Variants in HIVEP1 observed in about 807,000 individuals in gnomAD.
HIVEP1 encodes zinc finger protein 40.
In HIVEP1, 36 loss-of-function variants were observed where a neutral mutation model predicts 180.0. The ratio of observed to expected loss-of-function variants is 0.20; its 90% CI spans 0.15 to 0.26. The LOEUF is 0.26. Ranked by LOEUF, HIVEP1 falls within the 10% of genes least tolerant of loss-of-function variation. The pLI, the probability that HIVEP1 is intolerant of heterozygous loss-of-function variation, is 1.00. For missense variants in HIVEP1, 3,143 were observed against 3,268.7 expected, an observed-to-expected ratio of 0.96 and a Z score of 0.94; for synonymous variants, 1,239 against 1,239.0, an observed-to-expected ratio of 1.00 and a Z score of 0.00.
chr6:12,117,425 A>G (rs1775285807), intron 3 of HIVEP1, among the ~76,000 whole-genome samples: 1 of 152,230 alleles, frequency 6.6e-6, no homozygotes, highest in Non-Finnish European at 1.5e-5. Context: ...CAGTAGATTT[A>G]TAGAAAATAG....
At chr6:12,113,179 C>T (rs922116658) in intron 3 of HIVEP1, among the ~76,000 whole-genome samples, 5 of 150,604 alleles carry the variant, frequency 3.3e-5, no homozygotes, top group Non-Finnish European at 7.4e-5. Flanking sequence ...GCAGAAGATA[C>T]ACATGTAAAC....
downstream of HIVEP1, among the ~76,000 whole-genome samples, chr6:12,167,600 A>ATACATGTTATAT (rs1287358083): frequency 6.8e-6 from 1 of 146,430 alleles, no homozygotes; most frequent in Non-Finnish European, 1.5e-5. Flanking sequence ...ACATGTATAT[A>ATACATGTTATAT]TACATGTTAT....
intron 2 of HIVEP1, among the ~76,000 whole-genome samples, chr6:12,080,371 G>A (rs1017048427): frequency 1.3e-5 from 2 of 152,030 alleles, no homozygotes; most frequent in Non-Finnish European, 2.9e-5. Flanking sequence ...AGTATAAGGG[G>A]GAACTTCTTT....
chr6:12,205,327 C>T, the HIVEP1 span, among the ~76,000 whole-genome samples: 3,192 of 152,170 alleles, frequency 0.021, 138 homozygotes, highest in East Asian at 0.18. Context: ...AAAAATTAGC[C>T]AGGCTTGGTG....
Position 12,161,502 on chromosome 6 carries a change from A to T in HIVEP1, c.6551A>T (p.Asp2184Val). 6.2e-7 allele frequency: 1 copy of T among 1,614,118 alleles called. No homozygotes were observed. Among genetic ancestry groups the T allele is most frequent in the Non-Finnish European group, 8.5e-7 (1 of 1,179,948 alleles). Reference sequence around the variant, plus strand: ...GATCTTGAAGAATCTGATGGCCCAGATGAGGATGACAATGAAAATGAAGAC... The same window carrying T: ...GATCTTGAAGAATCTGATGGCCCAGTTGAGGATGACAATGAAAATGAAGAC... ...GYDLEESDGP[D>V]EDDNENEDDD... is the part of the protein sequence containing the mutation. Residue 2184 changes from aspartate to valine, a missense_variant, in exon 8 of 9, where the codon GAT (aspartate) becomes GTT (valine). By Grantham distance (152) the Asp-to-Val change is radical. This residue lies in a region of HIVEP1 where 126 missense variants were observed against 168.5 expected (regional missense o/e 0.75). Coordinates refer to ENST00000379388, the MANE Select transcript of HIVEP1 (RefSeq NM_002114.4).
intron 2 of HIVEP1, among the ~76,000 whole-genome samples, chr6:12,076,915 T>C (rs938731763): frequency 6.6e-6 from 1 of 152,132 alleles, no homozygotes; most frequent in African/African-American, 2.4e-5. Context: ...TAACGTTACA[T>C]GAGAGAGGCC....
intron 2 of HIVEP1, among the ~76,000 whole-genome samples, chr6:12,048,580 T>A (rs1770290719): frequency 6.6e-6 from 1 of 152,222 alleles, no homozygotes; most frequent in Non-Finnish European, 1.5e-5. Flanking sequence ...CTGTTGTTCA[T>A]GGTACCTGGA....
intron 2 of HIVEP1, among the ~76,000 whole-genome samples, chr6:12,037,274 T>A (rs1233185174): frequency 6.6e-6 from 1 of 152,214 alleles, no homozygotes; most frequent in Non-Finnish European, 1.5e-5. Context: ...GTCTTGTTAA[T>A]CATGCCACAT....
At chr6:12,181,460 G>A in the HIVEP1 span, among the ~76,000 whole-genome samples, 1 of 152,118 alleles carries the variant, frequency 6.6e-6, no homozygotes, top group East Asian at 1.9e-4. Context: ...TGAGACCCTG[G>A]AGTGCAGTGA....
intron 2 of HIVEP1, 57 bp downstream of exon 2, chr6:12,015,725 C>A: frequency 1.3e-6 from 2 of 1,500,678 alleles, no homozygotes; most frequent in Non-Finnish European, 1.8e-6. Context: ...AACAAAGTAT[C>A]TCTTTGGTGA....
Position 12,164,073 on chromosome 6 carries a change from G to A in HIVEP1, c.7769G>A (p.Ser2590Asn). The A allele has an allele frequency of 6.2e-7, 1 of 1,614,170 alleles. No individual in the cohort carries two copies. The highest frequency in any genetic ancestry group is 8.5e-7 in the Non-Finnish European group (1 of 1,180,040). Residue 2590 changes from serine to asparagine, a missense_variant, in exon 9 of 9, where the codon AGC (serine) becomes AAC (asparagine). By Grantham distance (46) the Ser-to-Asn change is conservative. Transcript: ENST00000379388. ...ETQPKQTSVA[S>N]ANQVSRTESP... ...CAACCCAAGCAGACTTCTGTAGCCA[G>A]CGCAAACCAGGTCAGCAGGACCGAG...
chr6:12,123,773 C>T lies in HIVEP1; in HGVS notation c.3978C>T (p.Asp1326=), dbSNP rs759992230. Reference sequence around the variant, plus strand: ...TCTCAGCCTCTTTAGACATAGAGGACGTTTCTAAAACGGAGGCTTCCCCCA... The same window carrying T: ...TCTCAGCCTCTTTAGACATAGAGGATGTTTCTAAAACGGAGGCTTCCCCCA... ...SSFSASLDIE[D]VSKTEASPKI... The change falls in exon 4 of 9, where the codon GAC becomes GAT. Residue 1326 remains aspartate (D), a synonymous_variant. Transcript: ENST00000379388. The T allele has an allele frequency of 5.0e-6, 8 of 1,613,966 alleles. No individual in the cohort carries two copies. The highest frequency in any genetic ancestry group is 2.2e-5 in the East Asian group (1 of 44,898).
chr6:12,106,047 TACAC>T (rs1206637958), intron 3 of HIVEP1, among the ~76,000 whole-genome samples: 1 of 151,422 alleles, frequency 6.6e-6, no homozygotes, highest in Non-Finnish European at 1.5e-5. Context: ...TACATATATA[TACAC>T]ACACACATAT....
Position 12,163,522 on chromosome 6 carries a change from G to C in HIVEP1, c.7218G>C (p.Val2406=). The change falls in exon 9 of 9, where the codon GTG becomes GTC. Residue 2406 remains valine, a synonymous_variant. Coordinates refer to ENST00000379388, the MANE Select transcript of HIVEP1 (RefSeq NM_002114.4). ...YNMVPVGGIH[V]VPAGLTYSTF... is the part of the protein sequence containing the mutation. ...TGGTTCCAGTTGGGGGGATCCATGTGGTACCTGCTGGCCTCACATACTCCA... is the reference window on the plus strand; with the variant it reads ...TGGTTCCAGTTGGGGGGATCCATGTCGTACCTGCTGGCCTCACATACTCCA... The C allele has an allele frequency of 6.2e-7, 1 of 1,614,174 alleles. No individual in the cohort carries two copies. Among genetic ancestry groups the C allele is most frequent in the Non-Finnish European group, 8.5e-7 (1 of 1,180,040 alleles).
At chr6:12,020,649 A>G (rs1393096607) in intron 2 of HIVEP1, among the ~76,000 whole-genome samples, 2 of 152,210 alleles carry the variant, frequency 1.3e-5, no homozygotes, top group Non-Finnish European at 2.9e-5. Context: ...AAGCTTTGAA[A>G]AAAAGGAAAA....
chr6:12,118,373 T>C (rs1253188009), intron 3 of HIVEP1, among the ~76,000 whole-genome samples: 2 of 152,228 alleles, frequency 1.3e-5, no homozygotes, highest in East Asian at 1.9e-4. Flanking sequence ...AATTAAGTAG[T>C]TGGCTTTCTA....
At chr6:12,078,191 T>C (rs932319082) in intron 2 of HIVEP1, among the ~76,000 whole-genome samples, 3 of 152,106 alleles carry the variant, frequency 2.0e-5, no homozygotes, top group African/African-American at 4.8e-5. Context: ...AAGCAAAGCA[T>C]TGACTCAGCT....
At chr6:12,047,413 G>A (rs1417899919) in intron 2 of HIVEP1, among the ~76,000 whole-genome samples, 1 of 152,210 alleles carries the variant, frequency 6.6e-6, no homozygotes, top group Admixed American at 6.5e-5. Context: ...TGGCCAGTGG[G>A]TGAAATGGTG....
At chr6:12,020,245 C>A in intron 2 of HIVEP1, 1 of 456,908 alleles carries the variant, frequency 2.2e-6, no homozygotes. Context: ...TTCCCATCTG[C>A]AGGAAACGTG....
Sources: gnomAD v4.1 joint callset for allele counts (sites outside exome capture counted in the v4.1 genomes callset) on GRCh38, gnomAD v4.1.1 for gene constraint, gnomAD v4.1.1 regional missense constraint, MANE v1.5 for transcripts, NCBI Gene and HGNC (gene_info 2026-07-23, HGNC 2026-07-21) for gene names.